ITGB2: variants seen among roughly 807,000 people sequenced by gnomAD.
The protein encoded by ITGB2 is integrin subunit beta 2, also known as integrin beta-2.
In ITGB2, 56 loss-of-function variants were observed where a neutral mutation model predicts 86.8. That is an observed-to-expected ratio of 0.65 (90% CI 0.52 to 0.81). The LOEUF (loss-of-function observed/expected upper bound fraction) is 0.81, where lower values mean the gene tolerates loss of function less well. Among genes scored for constraint, ITGB2 ranks in the 30% least tolerant of loss-of-function variants. The pLI is 0.00. For synonymous variants in ITGB2, 457 were observed against 450.4 expected, an observed-to-expected ratio of 1.01 and a Z score of -0.19; for missense variants, 948 against 1,061.2, an observed-to-expected ratio of 0.89 and a Z score of 1.48.
At chr21:44,912,318 C>T (rs1387219060) in intron 1 of ITGB2, among the ~76,000 whole-genome samples, 1 of 152,106 alleles carries the variant, frequency 6.6e-6, no homozygotes, top group Non-Finnish European at 1.5e-5. Context: ...AGCCACAGGC[C>T]CTGGCTCCCC....
At chr21:44,887,252 C>T (rs1171067470) in intron 14 of ITGB2, among the ~76,000 whole-genome samples, 1 of 152,190 alleles carries the variant, frequency 6.6e-6, no homozygotes, top group African/African-American at 2.4e-5. Context: ...GAGTTCAGAA[C>T]CAGGCTCAGG....
intron 4 of ITGB2, among the ~76,000 whole-genome samples, chr21:44,905,525 C>T (rs2084029614): frequency 6.6e-6 from 1 of 152,226 alleles, no homozygotes; most frequent in African/African-American, 2.4e-5. Context: ...ACTCTGGCCA[C>T]AGGCAACACC....
chr21:44,911,425 G>A (rs946328410), intron 1 of ITGB2: 1 of 153,674 alleles, frequency 6.5e-6, no homozygotes, highest in Non-Finnish European at 1.5e-5. Context: ...CGTGAGCAGA[G>A]CCTGTGCTTG....
intron 9 of ITGB2, 22 bp downstream of exon 9, chr21:44,894,949 C>G (rs2083841952): frequency 1.3e-6 from 2 of 1,524,168 alleles, no homozygotes; most frequent in Admixed American, 1.7e-5. Flanking sequence ...TGGGTCCCAG[C>G]TGAGTGGTGC....
At chr21:44,891,504 C>T (rs540990006) in intron 11 of ITGB2, among the ~76,000 whole-genome samples, 1 of 152,344 alleles carries the variant, frequency 6.6e-6, no homozygotes, top group East Asian at 1.9e-4. Flanking sequence ...AGATGGGCCT[C>T]CATCCTCTGG....
chr21:44,918,769 C>T (rs1339912082), intron 1 of ITGB2, among the ~76,000 whole-genome samples: 5 of 152,338 alleles, frequency 3.3e-5, no homozygotes, highest in African/African-American at 9.6e-5. Context: ...GGGTTACCAC[C>T]CTGTGGTTCA....
In ITGB2 at chr21:44,910,272, G is replaced by A; in HGVS notation, c.147+12C>T. 2 of 1,613,264 alleles carry A rather than the reference G, an allele frequency of 1.2e-6. No individual in the cohort carries two copies. Among genetic ancestry groups the A allele is most frequent in the Non-Finnish European group, 1.7e-6 (2 of 1,179,736 alleles). The stretch of plus-strand genomic sequence containing the variant: ...AGCTGGGCAGGTGGGGAGGGGTCCA[G>A]GAGGCACTTACCAGCTTCTGGCACC... On this transcript the variant is annotated intron_variant, in intron 3 of 15. Transcript: ENST00000652462.
chr21:44,899,268 C>A (rs2083912812), intron 7 of ITGB2, 106 bp from the exon 8 acceptor site: 2 of 858,788 alleles, frequency 2.3e-6, no homozygotes, highest in Admixed American at 4.0e-5. Context: ...GTGCTTCGAA[C>A]CCTCTCTGGG....
At position 44,903,438 on chromosome 21, in the gene ITGB2, G is replaced by A; in HGVS notation, c.426C>T (p.Asp142=). 1 of 1,614,112 alleles carries A rather than the reference G, an allele frequency of 6.2e-7. No individual in the cohort carries two copies. The highest frequency in any genetic ancestry group is 8.5e-7 in the Non-Finnish European group (1 of 1,179,980). ...CACCTAGCTTCTTGACATTCCTGAG[G>A]TCATCAAGCATGGAGTAGGAGAGGT... The part of the protein sequence containing the change: ...LMDLSYSMLD[D]LRNVKKLGGD... Residue 142 remains aspartate (D), a synonymous_variant, in exon 5 of 16, where the codon GAC becomes GAT. Coordinates refer to ENST00000652462, the MANE Select transcript of ITGB2 (RefSeq NM_000211.5).
At chr21:44,899,583 C>T (rs2083919236) in intron 7 of ITGB2, among the ~76,000 whole-genome samples, 1 of 152,158 alleles carries the variant, frequency 6.6e-6, no homozygotes, top group African/African-American at 2.4e-5. Flanking sequence ...CGGCGGAGGA[C>T]CTGAGTCTTG....
chr21:44,926,295 T>C (rs1390253227), intron 1 of ITGB2, among the ~76,000 whole-genome samples: 2 of 152,180 alleles, frequency 1.3e-5, no homozygotes, highest in African/African-American at 4.8e-5. Context: ...ATGTGCCTGT[T>C]GCACAAGGCT....
In ITGB2 at chr21:44,907,082, G is replaced by C. The variant is rs772968727; in HGVS notation, c.161C>G (p.Pro54Arg). ...TWCQKLNFTGPGDPDSIRCDT... is the reference protein window; with the variant it reads ...TWCQKLNFTGRGDPDSIRCDT... ...GCAGCGAATGGAGTCAGGATCCCCC[G>C]GCCCTGTGAAGTTCTGGGGAGGGGG... Residue 54 changes from proline to arginine, a missense_variant, in exon 4 of 16, where the codon CCG becomes CGG. Pro to Arg is a moderately radical substitution (Grantham distance 103, BLOSUM62 -2). Coordinates refer to ENST00000652462, the MANE Select transcript of ITGB2 (RefSeq NM_000211.5). 7 of 1,602,912 alleles carry C rather than the reference G, an allele frequency of 4.4e-6. No individual in the cohort carries two copies. The highest frequency in any genetic ancestry group is 2.6e-6 in the Non-Finnish European group (3 of 1,172,308).
chr21:44,889,943 G>A (rs1444795640), intron 12 of ITGB2, 35 bp downstream of exon 12: 1 of 1,611,498 alleles, frequency 6.2e-7, no homozygotes, highest in East Asian at 2.2e-5. Context: ...TGTGCCGCAG[G>A]ACGGCCGTTG....
At chr21:44,927,664 G>A (rs1258136460) in intron 1 of ITGB2, 3 of 152,344 alleles carry the variant, frequency 2.0e-5, no homozygotes, top group Non-Finnish European at 4.4e-5. Context: ...CCCTTTGAAG[G>A]CGGGTGAGAC....
In ITGB2 at chr21:44,910,826, C is replaced by A. The variant is rs909573272; in HGVS notation, c.-3-41G>T. On this transcript the variant is annotated intron_variant, in intron 1 of 15. Coordinates refer to ENST00000652462, the MANE Select transcript of ITGB2 (RefSeq NM_000211.5). ...GTCTTGGTGACGGTCTCAGGCCCAA[C>A]CCCTGGGGCTGACCACCCATGAAGC... 9.4e-6 allele frequency: 15 copies of A among 1,590,008 alleles called. No individual in the cohort carries two copies. In the African/African-American group the frequency reaches 1.7e-4, roughly 18 times the overall value.
rs750853525 is a variant in ITGB2, at chr21:44,891,897, G to A, written c.1324C>T (p.Leu442Phe). Residue 442 changes from leucine to phenylalanine, a missense_variant, in exon 11 of 16, where the codon CTT becomes TTT. Transcript: ENST00000652462. ...GFTDIVTVQV[L>F]PQCECRCRDQ... ...CGGCACCGGCACTCACACTGGGGAA[G>A]AACCTGCACGGTCACTATGTCCGTG... 306 of 1,613,080 alleles carry A rather than the reference G, an allele frequency of 1.9e-4. No individual in the cohort carries two copies. Among genetic ancestry groups the A allele is most frequent in the Admixed American group, 1.0e-4 (6 of 60,000 alleles).
At chr21:44,888,610 T>C in intron 14 of ITGB2, 83 bp downstream of exon 14, 1 of 1,474,954 alleles carries the variant, frequency 6.8e-7, no homozygotes, top group Non-Finnish European at 9.3e-7. Context: ...GGTGAGATCC[T>C]CCTTCCGCAC....
intron 1 of ITGB2, among the ~76,000 whole-genome samples, chr21:44,914,536 C>T (rs527625308): frequency 7.9e-5 from 12 of 152,318 alleles, no homozygotes; most frequent in East Asian, 1.9e-4. Flanking sequence ...CTCTGAGACA[C>T]GAAAGCGGCG....
chr21:44,902,064 G>A (rs2083968225), intron 5 of ITGB2, among the ~76,000 whole-genome samples: 1 of 152,236 alleles, frequency 6.6e-6, no homozygotes, highest in African/African-American at 2.4e-5. Context: ...GCAGCCATCT[G>A]CATGTGTAAA....
Sources: allele counts gnomAD v4.1 joint callset (sites outside exome capture counted in the v4.1 genomes callset), GRCh38; gene constraint gnomAD v4.1.1; transcripts MANE v1.5; gene names NCBI Gene and HGNC (gene_info 2026-07-23, HGNC 2026-07-21).